The following NTF3 variants were observed in gnomAD, a reference collection of about 807,000 sequenced individuals.
NTF3 encodes the protein neurotrophin 3.
In NTF3, 8 loss-of-function variants were observed where a neutral mutation model predicts 26.3. That is an observed-to-expected ratio of 0.30 (90% CI 0.18 to 0.55). NTF3 has a LOEUF of 0.55. Among genes scored for constraint, NTF3 ranks in the 20% least tolerant of loss-of-function variants. The pLI is 0.93. For synonymous variants in NTF3, 154 were observed against 145.5 expected, an observed-to-expected ratio of 1.06 and a Z score of -0.42; for missense variants, 276 against 352.9, an observed-to-expected ratio of 0.78 and a Z score of 1.75.
At chr12:5,448,867 C>T (rs561827004) in intron 1 of NTF3, among the ~76,000 whole-genome samples, 46 of 152,292 alleles carry the variant, frequency 3.0e-4, no homozygotes, top group Non-Finnish European at 5.6e-4. Context: ...ATGAACTCTG[C>T]CCAGTGACTT....
Position 5,472,369 on chromosome 12 carries a change from T to G in NTF3, c.19-21825T>G, listed in dbSNP as rs1327402644. Among the ~76,000 whole-genome samples the G allele has an allele frequency of 3.3e-5, 5 of 152,130 alleles. No individual in the cohort carries two copies. In the East Asian group the frequency reaches 7.7e-4, roughly 23 times the overall value. On this transcript the variant is annotated intron_variant, in intron 1 of 1. Transcript: ENST00000423158. ...GGCTGTTTGTCATTAGAAAAATTAT[T>G]TACCCTTCGTGAGATTCAGTTTCCT...
At chr12:5,441,611 G>A (rs529659188) in intron 1 of NTF3, among the ~76,000 whole-genome samples, 121 of 152,302 alleles carry the variant, frequency 7.9e-4, no homozygotes, top group Non-Finnish European at 8.4e-4. Flanking sequence ...CACAGAGAAA[G>A]GGATCTGTTG....
intron 1 of NTF3, among the ~76,000 whole-genome samples, chr12:5,455,313 G>A (rs950875145): frequency 2.0e-5 from 3 of 152,150 alleles, no homozygotes; most frequent in Admixed American, 6.5e-5. Flanking sequence ...ATCTGTCTTC[G>A]ATCGTTGTCA....
chr12:5,475,845 A>C (rs1940715961), intron 1 of NTF3, among the ~76,000 whole-genome samples: 3 of 144,652 alleles, frequency 2.1e-5, no homozygotes, highest in Admixed American at 1.4e-4. Flanking sequence ...CAAAAAAGAA[A>C]AAAGAAGAAA....
At chr12:5,471,533 A>G (rs1940666785) in intron 1 of NTF3, among the ~76,000 whole-genome samples, 1 of 152,194 alleles carries the variant, frequency 6.6e-6, no homozygotes, top group Non-Finnish European at 1.5e-5. Flanking sequence ...GGAGCGTCTC[A>G]GGAGAGGCAG....
At chr12:5,457,138 A>T (rs1274408402) in intron 1 of NTF3, among the ~76,000 whole-genome samples, 1 of 152,256 alleles carries the variant, frequency 6.6e-6, no homozygotes, top group Non-Finnish European at 1.5e-5. Flanking sequence ...GCAACTGTAT[A>T]AAGTCATGCA....
chr12:5,461,227 G>A (rs994996106), intron 1 of NTF3, among the ~76,000 whole-genome samples: 12 of 152,270 alleles, frequency 7.9e-5, no homozygotes, highest in Admixed American at 4.6e-4. Flanking sequence ...CAAGCATGAC[G>A]TCTGTGCTGT....
intron 1 of NTF3, among the ~76,000 whole-genome samples, chr12:5,444,403 C>T (rs2121154054): frequency 6.6e-6 from 1 of 152,298 alleles, no homozygotes. Context: ...TCCCCAGCAA[C>T]AGATATGGAG....
chr12:5,431,169 A>G (rs1216109658), upstream of NTF3, among the ~76,000 whole-genome samples: 1 of 151,946 alleles, frequency 6.6e-6, no homozygotes, highest in Non-Finnish European at 1.5e-5. Flanking sequence ...AGTGAGCGTC[A>G]TTACTTTCGG....
chr12:5,468,536 AC>A, intron 1 of NTF3, among the ~76,000 whole-genome samples: 1 of 152,210 alleles, frequency 6.6e-6, no homozygotes, highest in East Asian at 1.9e-4. Context: ...CTATGCTGTT[AC>A]GAGTCCTTTC....
intron 1 of NTF3, among the ~76,000 whole-genome samples, chr12:5,472,003 C>T (rs546240837): frequency 6.6e-6 from 1 of 152,296 alleles, no homozygotes; most frequent in East Asian, 1.9e-4. Context: ...TCCATTTTTA[C>T]TTGGTTTCAT....
chr12:5,436,620 A>G (rs1223843603), intron 1 of NTF3, among the ~76,000 whole-genome samples: 1 of 152,236 alleles, frequency 6.6e-6, no homozygotes, highest in Non-Finnish European at 1.5e-5. Flanking sequence ...ATGAAATGTA[A>G]TTAAATACAG....
chr12:5,438,422 G>T (rs575435951), intron 1 of NTF3, among the ~76,000 whole-genome samples: 2 of 152,294 alleles, frequency 1.3e-5, no homozygotes, highest in Admixed American at 1.3e-4. Context: ...CGCAGCTTTG[G>T]TTGTCCTCAC....
At chr12:5,482,880 CTG>C (rs1461008614) in intron 1 of NTF3, among the ~76,000 whole-genome samples, 3 of 151,390 alleles carry the variant, frequency 2.0e-5, no homozygotes, top group Non-Finnish European at 2.9e-5. Context: ...GTCTTTCTCT[CTG>C]TGTGTGTTTT....
intron 1 of NTF3, among the ~76,000 whole-genome samples, chr12:5,487,294 C>T (rs994655006): frequency 7.9e-5 from 12 of 152,170 alleles, no homozygotes; most frequent in Non-Finnish European, 1.6e-4. Flanking sequence ...TTTACGGCCT[C>T]GGGGCCAGAG....
At chr12:5,436,333 G>C (rs1022093923) in intron 1 of NTF3, among the ~76,000 whole-genome samples, 3 of 152,190 alleles carry the variant, frequency 2.0e-5, no homozygotes, top group African/African-American at 7.2e-5. Context: ...CTGTGTAAGA[G>C]ATAGTTTATA....
chr12:5,465,622 G>A (rs1940580129), intron 1 of NTF3, among the ~76,000 whole-genome samples: 1 of 152,124 alleles, frequency 6.6e-6, no homozygotes. Flanking sequence ...TTTTACATTC[G>A]GCAAACCTGA....
At chr12:5,475,437 A>T (rs1940710794) in intron 1 of NTF3, among the ~76,000 whole-genome samples, 1 of 152,180 alleles carries the variant, frequency 6.6e-6, no homozygotes, top group African/African-American at 2.4e-5. Flanking sequence ...GGGATCAGAT[A>T]GTTACAAAGT....
At chr12:5,469,118 C>A (rs1212306449) in intron 1 of NTF3, among the ~76,000 whole-genome samples, 2 of 149,816 alleles carry the variant, frequency 1.3e-5, no homozygotes, top group East Asian at 1.9e-4. Flanking sequence ...GAGATCCTGT[C>A]TCAAAAAAAA....
Sources: allele counts gnomAD v4.1 joint callset (sites outside exome capture counted in the v4.1 genomes callset), GRCh38; gene constraint gnomAD v4.1.1; transcripts MANE v1.5; gene names NCBI Gene and HGNC (gene_info 2026-07-23, HGNC 2026-07-21).